Variants in MAF observed in about 807,000 individuals in gnomAD.
MAF encodes the protein MAF bZIP transcription factor, also known as transcription factor Maf.
A neutral mutation model predicts 22.0 loss-of-function variants in MAF; 10 were observed. The ratio of observed to expected loss-of-function variants is 0.45; its 90% CI spans 0.28 to 0.77. The LOEUF is 0.77. MAF is among the 30% of genes least tolerant of loss of function. MAF has a pLI of 0.12. For synonymous variants in MAF, 337 were observed against 255.8 expected (o/e 1.32, Z -3.03); for missense variants, 544 against 548.4 (o/e 0.99, Z 0.08).
At chr16:79,463,092 C>G in the MAF span, among the ~76,000 whole-genome samples, 3 of 152,124 alleles carry the variant, frequency 2.0e-5, no homozygotes, top group Admixed American at 6.5e-5. Context: ...GGAAGAAAAC[C>G]CAGCCGAGGC....
chr16:79,249,718 G>A, the MAF span, among the ~76,000 whole-genome samples: 1 of 151,994 alleles, frequency 6.6e-6, no homozygotes, highest in Non-Finnish European at 1.5e-5. Context: ...TCTCTTCAGA[G>A]ATACCCTCCC....
the MAF span, among the ~76,000 whole-genome samples, chr16:79,381,704 T>C: frequency 6.6e-6 from 1 of 152,182 alleles, no homozygotes; most frequent in Non-Finnish European, 1.5e-5. Flanking sequence ...AGTCTTCTCT[T>C]GGAGAGATTC....
the MAF span, among the ~76,000 whole-genome samples, chr16:79,420,597 C>A: frequency 2.0e-5 from 3 of 152,182 alleles, no homozygotes; most frequent in South Asian, 4.1e-4. Context: ...GGTGCATTGG[C>A]CACATCATTA....
chr16:79,241,328 C>CAGTTTAAAG, the MAF span, among the ~76,000 whole-genome samples: 1 of 151,976 alleles, frequency 6.6e-6, no homozygotes, highest in African/African-American at 2.4e-5. Context: ...CTGGAATAAC[C>CAGTTTAAAG]AGTTTAAAGA....
the MAF span, among the ~76,000 whole-genome samples, chr16:79,520,759 C>T: frequency 9.2e-5 from 14 of 152,252 alleles, no homozygotes; most frequent in East Asian, 2.7e-3. Flanking sequence ...TGTATTTCTG[C>T]ACCTGAAAGC....
At chr16:79,306,322 T>C in the MAF span, among the ~76,000 whole-genome samples, 5 of 152,204 alleles carry the variant, frequency 3.3e-5, no homozygotes, top group Admixed American at 1.3e-4. Context: ...ACAGCAACAG[T>C]ACCACCCTCA....
At chr16:79,596,980 G>A (rs904421550) in intron 1 of MAF, 2 of 1,051,286 alleles carry the variant, frequency 1.9e-6, no homozygotes, top group African/African-American at 3.3e-5. Flanking sequence ...ATACATTTTT[G>A]AATGTAAAAT....
chr16:79,286,903 C>T, the MAF span, among the ~76,000 whole-genome samples: 11 of 152,232 alleles, frequency 7.2e-5, no homozygotes, highest in East Asian at 1.9e-4. Flanking sequence ...AACGTATCGA[C>T]GAGTTCTTGG....
At chr16:79,557,962 G>C in the MAF span, among the ~76,000 whole-genome samples, 1 of 151,258 alleles carries the variant, frequency 6.6e-6, no homozygotes, top group Non-Finnish European at 1.5e-5. Flanking sequence ...GGTGCTTCAG[G>C]GAAGGGCAGT....
the MAF span, among the ~76,000 whole-genome samples, chr16:79,437,629 C>T: frequency 1.1e-3 from 166 of 152,182 alleles, no homozygotes; most frequent in Non-Finnish European, 1.7e-3. Context: ...AGGACACCTC[C>T]GAGAGCTCAT....
At chr16:79,383,869 C>A in the MAF span, among the ~76,000 whole-genome samples, 3 of 152,176 alleles carry the variant, frequency 2.0e-5, no homozygotes, top group Non-Finnish European at 4.4e-5. Context: ...AAGATGAAAT[C>A]TGTTAGATAC....
the MAF span, among the ~76,000 whole-genome samples, chr16:79,480,360 T>A: frequency 2.6e-5 from 4 of 152,276 alleles, no homozygotes; most frequent in East Asian, 7.8e-4. Context: ...AATACATTTT[T>A]AATTCGTTTG....
chr16:79,550,718 T>C, the MAF span, among the ~76,000 whole-genome samples: 1 of 152,134 alleles, frequency 6.6e-6, no homozygotes. Context: ...CTAGTTTGGG[T>C]ATGGTAGGAT....
the MAF span, among the ~76,000 whole-genome samples, chr16:79,369,766 T>C: frequency 6.6e-6 from 1 of 152,234 alleles, no homozygotes; most frequent in African/African-American, 2.4e-5. Context: ...CCCTCCATGA[T>C]GGGTTCAAGG....
chr16:79,575,126 A>C, the MAF span, among the ~76,000 whole-genome samples: 2 of 151,976 alleles, frequency 1.3e-5, no homozygotes, highest in Non-Finnish European at 2.9e-5. Context: ...AAGTCCCACA[A>C]ACCAGTCTTT....
At chr16:79,435,449 ATCT>A in the MAF span, among the ~76,000 whole-genome samples, 1 of 152,196 alleles carries the variant, frequency 6.6e-6, no homozygotes, top group African/African-American at 2.4e-5. Flanking sequence ...CAATAGCGAA[ATCT>A]TCTTTAAAGC....
At chr16:79,234,520 A>AT in the MAF span, among the ~76,000 whole-genome samples, 1 of 152,056 alleles carries the variant, frequency 6.6e-6, no homozygotes, top group Non-Finnish European at 1.5e-5. Flanking sequence ...TTTAGTGCAC[A>AT]TTTATTTCTC....
the MAF span, among the ~76,000 whole-genome samples, chr16:79,319,643 A>G: frequency 6.6e-6 from 1 of 152,198 alleles, no homozygotes; most frequent in South Asian, 2.1e-4. Flanking sequence ...TTCTTAAACT[A>G]TTCTACTTAT....
At chr16:79,310,195 A>G in the MAF span, among the ~76,000 whole-genome samples, 40 of 152,274 alleles carry the variant, frequency 2.6e-4, no homozygotes, top group African/African-American at 9.1e-4. Context: ...GCATGAGGTC[A>G]ATCCCTGACT....
Sources: gnomAD v4.1 joint callset for allele counts (sites outside exome capture counted in the v4.1 genomes callset) on GRCh38, gnomAD v4.1.1 for gene constraint, MANE v1.5 for transcripts, NCBI Gene and HGNC (gene_info 2026-07-23, HGNC 2026-07-21) for gene names.